The following ARSB variants were observed in gnomAD, a reference collection of about 807,000 sequenced individuals.
ARSB encodes N-acetylgalactosamine-4-sulfatase.
Under a neutral mutation model 50.9 loss-of-function variants are expected in ARSB, and 41 were observed. The observed-to-expected ratio is 0.81, with a 90% confidence interval of 0.63 to 1.04. The LOEUF is 1.04. ARSB is among the 50% of genes least tolerant of loss of function. ARSB has a pLI of 0.00. For missense variants in ARSB, 672 were observed against 693.3 expected (o/e 0.97, Z 0.35); for synonymous variants, 269 against 284.8 (o/e 0.94, Z 0.56).
intron 5 of ARSB, among the ~76,000 whole-genome samples, chr5:78,853,552 C>A (rs1030513530): frequency 6.6e-6 from 1 of 152,204 alleles, no homozygotes; most frequent in Non-Finnish European, 1.5e-5. Flanking sequence ...CTCAGATCTC[C>A]AGCTGCGTGC....
At chr5:78,950,678 G>C (rs1292736385) in intron 4 of ARSB, among the ~76,000 whole-genome samples, 1 of 152,126 alleles carries the variant, frequency 6.6e-6, no homozygotes, top group Non-Finnish European at 1.5e-5. Context: ...CAATAGAGTA[G>C]AACACTTAAT....
In ARSB at chr5:78,949,282, C is replaced by T. The variant is rs548184739; in HGVS notation, c.898+6013G>A. Among the ~76,000 whole-genome samples, 15 of 152,188 alleles carry T rather than the reference C, an allele frequency of 9.9e-5. No homozygotes were observed. In the South Asian group the frequency reaches 2.3e-3, roughly 23 times the overall value. On this transcript the variant is annotated intron_variant, in intron 4 of 7. Transcript: ENST00000264914. Reference sequence around the variant, plus strand: ...CCTTTACCGATCACCAAATATAATCCAACACCAGGAAGCTAGATTGTTTTC... The same window carrying T: ...CCTTTACCGATCACCAAATATAATCTAACACCAGGAAGCTAGATTGTTTTC...
chr5:78,787,945 A>C (rs748244146), intron 6 of ARSB, among the ~76,000 whole-genome samples: 5 of 152,158 alleles, frequency 3.3e-5, no homozygotes, highest in Non-Finnish European at 7.4e-5. Context: ...GACGCCCAGA[A>C]ACAGAGCACT....
At chr5:78,909,755 G>C (rs1749220480) in intron 4 of ARSB, among the ~76,000 whole-genome samples, 1 of 152,174 alleles carries the variant, frequency 6.6e-6, no homozygotes, top group Non-Finnish European at 1.5e-5. Context: ...GGATGGGAAA[G>C]ACCTGACCAT....
Position 78,984,876 on chromosome 5 carries a change from G to A in ARSB, c.312+61C>T. 1.1e-5 allele frequency: 13 copies of A among 1,236,354 alleles called. 1 individual carries two copies. The highest frequency in any genetic ancestry group is 1.3e-5 in the Non-Finnish European group (13 of 988,090). 76.6% of individuals were successfully genotyped at this position (1,236,354 alleles called of 1,614,324 possible). ...CCGCGGCCTCAAGGGCCGGGTAGGA[G>A]CGGCAGGGCGCCGGCGAAAGGCGGG... is the stretch of plus-strand genomic sequence containing the variant. On this transcript the variant is annotated intron_variant, in intron 1 of 7. Transcript: ENST00000264914.
At chr5:78,962,586 G>C (rs113781899) in intron 3 of ARSB, among the ~76,000 whole-genome samples, 1,561 of 139,652 alleles carry the variant, frequency 0.011, 34 homozygotes, top group African/African-American at 0.041. Context: ...GGAGTGTAGT[G>C]GTGCGATCTC....
intron 6 of ARSB, among the ~76,000 whole-genome samples, chr5:78,785,707 G>C (rs1315574851): frequency 3.9e-5 from 6 of 152,218 alleles, no homozygotes; most frequent in Non-Finnish European, 7.3e-5. Context: ...TCCTCAAAAT[G>C]TCAACATCCT....
chr5:78,870,511 T>C (rs1171216727), intron 5 of ARSB, among the ~76,000 whole-genome samples: 2 of 148,572 alleles, frequency 1.3e-5, no homozygotes, highest in African/African-American at 5.0e-5. Context: ...TGCTTCAATA[T>C]ACGCAAATCA....
intron 5 of ARSB, among the ~76,000 whole-genome samples, chr5:78,874,110 G>A (rs1055874294): frequency 1.1e-4 from 16 of 152,172 alleles, no homozygotes; most frequent in South Asian, 4.1e-4. Context: ...TGTGGGACAA[G>A]GGTTTTATTT....
intron 6 of ARSB, among the ~76,000 whole-genome samples, chr5:78,831,683 C>T (rs1744692453): frequency 6.6e-6 from 1 of 152,152 alleles, no homozygotes. Context: ...GCATGCATGA[C>T]CTGGTGCCTC....
At chr5:78,951,409 A>G (rs541035915) in intron 4 of ARSB, among the ~76,000 whole-genome samples, 155 of 152,224 alleles carry the variant, frequency 1.0e-3, no homozygotes, top group Non-Finnish European at 1.7e-3. Context: ...TAAAAATACA[A>G]TCAACAATAA....
chr5:78,848,399 A>C (rs1171670988), intron 5 of ARSB, among the ~76,000 whole-genome samples: 1 of 147,488 alleles, frequency 6.8e-6, no homozygotes, highest in Admixed American at 6.8e-5. Context: ...TGAACTCATC[A>C]TTTTTTATGG....
intron 4 of ARSB, among the ~76,000 whole-genome samples, chr5:78,902,022 G>C (rs1023963908): frequency 4.6e-5 from 7 of 152,214 alleles, no homozygotes; most frequent in African/African-American, 1.2e-4. Flanking sequence ...AATTTATATA[G>C]AAAACAAGTT....
In ARSB at chr5:78,778,589, T is replaced by C. The variant is rs1748835882; in HGVS notation, c.*1808A>G. Reference sequence around the variant, plus strand: ...TGCCCAGTGATGTAGATTATGCTCCTACCCCAGGAGGGGCAGCTTGAGAAC... The same window carrying C: ...TGCCCAGTGATGTAGATTATGCTCCCACCCCAGGAGGGGCAGCTTGAGAAC... On this transcript the variant is annotated 3_prime_UTR_variant, in exon 8 of 8. Transcript: ENST00000264914. 6.6e-6 allele frequency: 1 copy of C among 152,272 alleles called. No individual in the cohort carries two copies. The highest frequency in any genetic ancestry group is 1.5e-5 in the Non-Finnish European group (1 of 68,062). The allele number at this position is 152,272 out of a possible 1,614,324, so 9.4% of individuals were successfully genotyped here.
At chr5:78,807,644 G>C (rs1290583005) in intron 6 of ARSB, among the ~76,000 whole-genome samples, 1 of 152,052 alleles carries the variant, frequency 6.6e-6, no homozygotes, top group Non-Finnish European at 1.5e-5. Context: ...CTTTTAAGAA[G>C]GTACCAAAAG....
chr5:78,852,453 T>G (rs931219834), intron 5 of ARSB, among the ~76,000 whole-genome samples: 7 of 152,182 alleles, frequency 4.6e-5, no homozygotes, highest in Non-Finnish European at 1.0e-4. Flanking sequence ...CTTCCCTTTG[T>G]GGGTAACCCG....
At chr5:78,823,047 T>C (rs1744300388) in intron 6 of ARSB, among the ~76,000 whole-genome samples, 1 of 152,264 alleles carries the variant, frequency 6.6e-6, no homozygotes, top group Non-Finnish European at 1.5e-5. Context: ...GTTTTGTTTC[T>C]AATCTCAAAA....
rs114258676 is a variant in ARSB, at chr5:78,787,876, G to A, written c.1214-5902C>T. 7.6e-3 allele frequency among the ~76,000 whole-genome samples: 1,150 copies of A among 152,296 alleles called. 14 individuals carry two copies. Among genetic ancestry groups the A allele is most frequent in the African/African-American group, 0.026 (1,090 of 41,568 alleles). On this transcript the variant is annotated intron_variant, in intron 6 of 7. Coordinates refer to ENST00000264914, the MANE Select transcript of ARSB (RefSeq NM_000046.5). ...GCACACACTAAGCACCACCCGCAAT[G>A]CAGTGATTGCTTAACCCTAGAAGTG...
At chr5:78,788,136 T>A (rs1361172671) in intron 6 of ARSB, among the ~76,000 whole-genome samples, 1 of 152,142 alleles carries the variant, frequency 6.6e-6, no homozygotes, top group East Asian at 1.9e-4. Flanking sequence ...AAGAGAGAAG[T>A]ATAAACAAAC....
Sources: allele counts gnomAD v4.1 joint callset (sites outside exome capture counted in the v4.1 genomes callset), GRCh38; gene constraint gnomAD v4.1.1; transcripts MANE v1.5; gene names NCBI Gene and HGNC (gene_info 2026-07-23, HGNC 2026-07-21).